PCDH15: variants seen among roughly 807,000 people sequenced by gnomAD.
The protein encoded by PCDH15 is protocadherin-15.
A neutral mutation model predicts 178.5 loss-of-function variants in PCDH15; 129 were observed. That is an observed-to-expected ratio of 0.72 (90% CI 0.63 to 0.84). The LOEUF (loss-of-function observed/expected upper bound fraction) is 0.84, where lower values mean the gene tolerates loss of function less well. Among genes scored for constraint, PCDH15 ranks in the 40% least tolerant of loss-of-function variants. PCDH15 has a pLI of 0.00. For missense variants in PCDH15, 2,230 were observed against 2,099.9 expected, an observed-to-expected ratio of 1.06 and a Z score of -1.21; for synonymous variants, 800 against 732.0, an observed-to-expected ratio of 1.09 and a Z score of -1.50.
intron 18 of PCDH15, among the ~76,000 whole-genome samples, chr10:54,025,700 T>C (rs1007905220): frequency 6.6e-6 from 1 of 152,110 alleles, no homozygotes; most frequent in African/African-American, 2.4e-5. Context: ...GGTTTCACCA[T>C]GTTGGTCAGG....
At chr10:54,755,544 C>T (rs892773049) in intron 1 of PCDH15, among the ~76,000 whole-genome samples, 1 of 151,904 alleles carries the variant, frequency 6.6e-6, no homozygotes. Context: ...TAATCCTAGA[C>T]ACGTTTTAGG....
chr10:53,820,795 G>A (rs1017076490), intron 32 of PCDH15, among the ~76,000 whole-genome samples: 12 of 151,968 alleles, frequency 7.9e-5, no homozygotes, highest in African/African-American at 2.9e-4. Flanking sequence ...AACAATTGGA[G>A]CGCTAAGAAC....
intron 18 of PCDH15, among the ~76,000 whole-genome samples, chr10:54,036,234 T>C (rs2093413393): frequency 6.6e-6 from 1 of 151,956 alleles, no homozygotes; most frequent in Non-Finnish European, 1.5e-5. Context: ...GTGGCTACGC[T>C]AAAAAAACAG....
In PCDH15 at chr10:54,535,284, C is replaced by A. The variant is rs191628754; in HGVS notation, c.92-7407G>T. ...TCATCAATACAATTTACTCTAGAGA[C>A]CATAGCTACCTCAATCTGTACTTTT... is the stretch of plus-strand genomic sequence containing the variant. On this transcript the variant is annotated intron_variant, in intron 2 of 37. Coordinates refer to ENST00000644397, the MANE Select transcript of PCDH15 (RefSeq NM_001384140.1). 8.3e-3 allele frequency among the ~76,000 whole-genome samples: 1,264 copies of A among 152,226 alleles called. 17 individuals carry two copies. Among genetic ancestry groups the A allele is most frequent in the African/African-American group, 0.029 (1,192 of 41,534 alleles).
At chr10:54,818,357 C>T (rs909790766) in intron 3 of PCDH15, among the ~76,000 whole-genome samples, 1 of 152,010 alleles carries the variant, frequency 6.6e-6, no homozygotes, top group Non-Finnish European at 1.5e-5. Flanking sequence ...TGGCCACATC[C>T]GTAGTCCCCC....
intron 1 of PCDH15, among the ~76,000 whole-genome samples, chr10:54,719,945 G>T (rs181204675): frequency 1.3e-5 from 2 of 152,076 alleles, no homozygotes; most frequent in Admixed American, 1.3e-4. Context: ...ATTTGGGTTG[G>T]TTCCATGTCT....
At chr10:54,793,702 A>T (rs1951664608) in intron 1 of PCDH15, among the ~76,000 whole-genome samples, 1 of 145,792 alleles carries the variant, frequency 6.9e-6, no homozygotes, top group Non-Finnish European at 1.5e-5. Context: ...ATATATAAAC[A>T]TATATATACA....
At chr10:54,436,075 G>A (rs537574641) in intron 3 of PCDH15, among the ~76,000 whole-genome samples, 2 of 147,240 alleles carry the variant, frequency 1.4e-5, no homozygotes, top group African/African-American at 5.2e-5. Flanking sequence ...AAGAAAGAAG[G>A]AAGGAAGGAG....
At chr10:53,968,412 T>A (rs1390437205) in intron 21 of PCDH15, among the ~76,000 whole-genome samples, 2 of 152,158 alleles carry the variant, frequency 1.3e-5, no homozygotes, top group Non-Finnish European at 2.9e-5. Flanking sequence ...CTCTGTAGAC[T>A]CCACCTCTGG....
chr10:55,415,542 T>G (rs1589005131), intron 2 of PCDH15, among the ~76,000 whole-genome samples: 1 of 151,840 alleles, frequency 6.6e-6, no homozygotes, highest in African/African-American at 2.4e-5. Flanking sequence ...AAATTTCCAC[T>G]TTTCTAAGTA....
At chr10:54,118,691 A>T (rs960397010) in intron 15 of PCDH15, among the ~76,000 whole-genome samples, 1 of 151,896 alleles carries the variant, frequency 6.6e-6, no homozygotes, top group Non-Finnish European at 1.5e-5. Context: ...TATTAAAAAA[A>T]ATAAATTAAC....
intron 8 of PCDH15, among the ~76,000 whole-genome samples, chr10:54,281,077 T>G (rs2058677016): frequency 6.6e-6 from 1 of 151,924 alleles, no homozygotes; most frequent in African/African-American, 2.4e-5. Flanking sequence ...CATGCAAATT[T>G]TTTACTTTGC....
At chr10:54,353,372 CATT>C (rs1344604283) in intron 5 of PCDH15, among the ~76,000 whole-genome samples, 2 of 152,052 alleles carry the variant, frequency 1.3e-5, no homozygotes, top group African/African-American at 4.8e-5. Context: ...GTCTAGTTAA[CATT>C]AACTTATGAA....
intron 23 of PCDH15, 136 bp from the exon 24 acceptor site, chr10:53,941,111 A>G (rs1280328384): frequency 3.1e-6 from 2 of 654,418 alleles, no homozygotes; most frequent in Non-Finnish European, 5.4e-6. Context: ...GGCCTCCTCC[A>G]TGATCAAATC....
intron 2 of PCDH15, among the ~76,000 whole-genome samples, chr10:54,978,051 C>G (rs182409360): frequency 6.6e-6 from 1 of 152,154 alleles, no homozygotes; most frequent in African/African-American, 2.4e-5. Context: ...TTACCTATAA[C>G]CTGAATTAAA....
rs143251951 is a variant in PCDH15, at chr10:54,667,559, T to C, written c.-28-3269A>G. Among the ~76,000 whole-genome samples the C allele has an allele frequency of 5.7e-3, 864 of 152,190 alleles. 8 individuals are homozygous for C. The highest frequency in any genetic ancestry group is 0.02 in the African/African-American group (825 of 41,552). On this transcript the variant is annotated intron_variant, in intron 1 of 37. Transcript: ENST00000644397. ...TAATCTCTAGAATTAAAAGAGAAAGTCCTATAGGAGATGAATTCCATAATC... is the reference window on the plus strand; with the variant it reads ...TAATCTCTAGAATTAAAAGAGAAAGCCCTATAGGAGATGAATTCCATAATC...
intron 2 of PCDH15, among the ~76,000 whole-genome samples, chr10:55,484,886 G>A (rs1840264414): frequency 6.6e-6 from 1 of 151,552 alleles, no homozygotes; most frequent in South Asian, 2.1e-4. Context: ...AAATCAATTC[G>A]AAATGAATAA....
intron 13 of PCDH15, among the ~76,000 whole-genome samples, chr10:54,163,233 A>G (rs1371010557): frequency 6.6e-6 from 1 of 152,098 alleles, no homozygotes; most frequent in African/African-American, 2.4e-5. Context: ...GTATCAGTCT[A>G]TTTTCACACT....
At chr10:53,990,881 G>A (rs1433066607) in intron 21 of PCDH15, among the ~76,000 whole-genome samples, 1 of 152,092 alleles carries the variant, frequency 6.6e-6, no homozygotes, top group African/African-American at 2.4e-5. Context: ...GGTGGGTGTG[G>A]GCTTGGCGGG....
Sources: allele counts gnomAD v4.1 joint callset (sites outside exome capture counted in the v4.1 genomes callset), GRCh38; gene constraint gnomAD v4.1.1; transcripts MANE v1.5; gene names NCBI Gene and HGNC (gene_info 2026-07-23, HGNC 2026-07-21).